BCOR: variants seen among roughly 807,000 people sequenced by gnomAD.
BCOR encodes BCL-6 corepressor.
A neutral mutation model predicts 86.7 loss-of-function variants in BCOR; 10 were observed. The observed-to-expected ratio is 0.12, with a 90% CI of 0.07 to 0.20. BCOR has a LOEUF of 0.20. BCOR is among the 10% of genes least tolerant of loss of function. The pLI is 1.00. For synonymous variants in BCOR, 611 were observed against 609.0 expected, an observed-to-expected ratio of 1.00 and a Z score of -0.05; for missense variants, 1,259 against 1,452.1, an observed-to-expected ratio of 0.87 and a Z score of 2.16.
intron 6 of BCOR, among the ~76,000 whole-genome samples, chrX:40,069,769 C>T (rs1935382335): frequency 1.8e-5 from 2 of 112,426 alleles, no homozygotes; most frequent in African/African-American, 3.2e-5. Flanking sequence ...TTTGCCACTT[C>T]ACCCAAGAGT....
intron 1 of BCOR, among the ~76,000 whole-genome samples, chrX:40,129,433 A>G (rs934334934): frequency 1.8e-5 from 2 of 109,670 alleles, no homozygotes; most frequent in East Asian, 5.7e-4. Context: ...GCAGTGAGCC[A>G]AGATCATGTC....
chrX:40,058,493 C>A (rs1348070838), intron 10 of BCOR, among the ~76,000 whole-genome samples: 1 of 111,728 alleles, frequency 9.0e-6, no homozygotes, highest in East Asian at 2.8e-4. Flanking sequence ...AATAACTCAT[C>A]TATAACCTAA....
At chrX:40,091,891 T>C (rs1269533544) in intron 1 of BCOR, among the ~76,000 whole-genome samples, 1 of 107,947 alleles carries the variant, frequency 9.3e-6, no homozygotes, top group Non-Finnish European at 1.9e-5. Flanking sequence ...CACCCAGCTT[T>C]GGGCGAGGCC....
chrX:40,171,141 C>T (rs1185526609), intron 1 of BCOR, among the ~76,000 whole-genome samples: 1 of 112,188 alleles, frequency 8.9e-6, no homozygotes, highest in Admixed American at 9.4e-5. Flanking sequence ...CACCCTCCTT[C>T]CTCCAGGTCA....
chrX:40,054,295 C>T lies in BCOR; in HGVS notation c.4780G>A (p.Ala1594Thr), dbSNP rs768510508. 9 of 1,206,781 alleles carry T rather than the reference C, an allele frequency of 7.5e-6. No individual in the cohort carries two copies. The East Asian group carries it at 1.2e-4, about 16-fold the overall frequency. Residue 1594 changes from alanine (A) to threonine (T), a missense_variant, in exon 13 of 15, where the codon GCC becomes ACC. Around this residue, in one of 7 missense-constraint regions of BCOR, gnomAD observed 137 missense variants for 149.8 expected, o/e 0.91. Coordinates refer to ENST00000378444, the MANE Select transcript of BCOR (RefSeq NM_001123385.2). Reference sequence around the variant, plus strand: ...CCATAGAAGTCCCAAGTGCCACTGGCGTCATCATCATTGCGACCCTGGAGG... The same window carrying T: ...CCATAGAAGTCCCAAGTGCCACTGGTGTCATCATCATTGCGACCCTGGAGG... ...NDLQGRNDDD[A>T]SGTWDFYGSS...
At chrX:40,078,636 G>C (rs1452497341) in intron 1 of BCOR, among the ~76,000 whole-genome samples, 1 of 112,471 alleles carries the variant, frequency 8.9e-6, no homozygotes, top group Non-Finnish European at 1.9e-5. Flanking sequence ...GCTGCAGAGA[G>C]AGGCGGCTGA....
rs546960508 is a variant in BCOR at position 40,110,667 on chromosome X, C to CTTTTTTTTTTTTTTTT, written c.-40-32714_-40-32699dup. 7.8e-4 allele frequency among the ~76,000 whole-genome samples: 23 copies of CTTTTTTTTTTTTTTTT among 29,546 alleles called. 8 individuals carry two copies. The highest frequency in any genetic ancestry group is 1.0e-3 in the Non-Finnish European group (15 of 14,556). 25.7% of individuals were successfully genotyped at this position (29,546 alleles called of 115,157 possible). On this transcript the variant is annotated intron_variant, in intron 1 of 14. Transcript: ENST00000342274. Reference sequence around the variant, plus strand: ...TTCTTTTTTTTCTTTTTTCCTTTTTCTTTTTTTTTTTTTTTTTTTTTTTTT... The same window carrying CTTTTTTTTTTTTTTTT: ...TTCTTTTTTTTCTTTTTTCCTTTTTCTTTTTTTTTTTTTTTTTTTTTTTTTTTTTTTTTTTTTTTTT...
chrX:40,064,552 C>T lies in BCOR; in HGVS notation c.3286G>A (p.Glu1096Lys). The T allele has an allele frequency of 8.3e-7, 1 of 1,211,835 alleles. No homozygotes were observed. The highest frequency in any genetic ancestry group is 1.8e-5 in the South Asian group (1 of 56,996). Residue 1096 changes from glutamate to lysine, a missense_variant, in exon 7 of 15, where the codon GAG (glutamate) becomes AAG (lysine). Transcript: ENST00000378444. ...NKHRDPFEAP[E>K]DKDLPVEKYF... ...TTCTCCACAGGAAGATCTTTGTCCT[C>T]TGGGGCTTCAAAGGGATCACGGTGC...
At position 40,097,626 on chromosome X, in the gene BCOR, G is replaced by C. The variant is rs1414074818; in HGVS notation, c.-452C>G. On this transcript the variant is annotated 5_prime_UTR_variant, in exon 1 of 15. Transcript: ENST00000378444. The stretch of plus-strand genomic sequence containing the variant: ...TCCCGCAGCTGGACTGGGCTTGGCC[G>C]AGCTCAGCAGCTCCCGCGCTGCCGC... Among the ~76,000 whole-genome samples the C allele has an allele frequency of 1.8e-5, 2 of 111,725 alleles. No individual in the cohort carries two copies. The highest frequency in any genetic ancestry group is 3.8e-5 in the Non-Finnish European group (2 of 52,715).
chrX:40,144,109 A>G (rs957342007), intron 1 of BCOR, among the ~76,000 whole-genome samples: 1 of 21 alleles, frequency 0.048, no homozygotes, highest in African/African-American at 0.12. Flanking sequence ...AGGAACCTGC[A>G]GGAGACTGCA....
Position 40,072,861 on chromosome X carries a change from C to T in BCOR, c.2485G>A (p.Glu829Lys). ...TNVSKPSFAAESVGQSAEPPK... is the reference protein window; with the variant it reads ...TNVSKPSFAAKSVGQSAEPPK... The stretch of plus-strand genomic sequence containing the variant: ...GGCTCAGCGCTCTGGCCAACACTCT[C>T]TGCTGCAAAGCTGGGTTTGGACACG... Residue 829 changes from glutamate (E) to lysine (K), a missense_variant, in exon 4 of 15, where the codon GAG becomes AAG. Around this residue, in one of 7 missense-constraint regions of BCOR, gnomAD observed 534 missense variants for 594.8 expected, o/e 0.90. Transcript: ENST00000378444. The T allele has an allele frequency of 8.3e-7, 1 of 1,211,921 alleles. No individual in the cohort carries two copies. The highest frequency in any genetic ancestry group is 1.1e-6 in the Non-Finnish European group (1 of 895,562).
intron 1 of BCOR, among the ~76,000 whole-genome samples, chrX:40,122,055 C>T (rs996713450): frequency 8.9e-6 from 1 of 111,866 alleles, no homozygotes; most frequent in Admixed American, 9.5e-5. Context: ...GAACTCTTCC[C>T]AGCCACTTCC....
At chrX:40,142,460 G>A (rs1937941195) in intron 1 of BCOR, among the ~76,000 whole-genome samples, 1 of 112,006 alleles carries the variant, frequency 8.9e-6, no homozygotes, top group African/African-American at 3.2e-5. Context: ...AGGGTCTTTA[G>A]CCTTCAGCTG....
At chrX:40,146,743 C>T (rs779587538) in intron 1 of BCOR, 1 of 112,334 alleles carries the variant, frequency 8.9e-6, no homozygotes, top group Non-Finnish European at 1.9e-5. Context: ...TCGGGGTTCG[C>T]AAGCTGGGCC....
At chrX:40,109,944 C>T (rs971219541) in intron 1 of BCOR, among the ~76,000 whole-genome samples, 1 of 112,349 alleles carries the variant, frequency 8.9e-6, no homozygotes, top group African/African-American at 3.2e-5. Flanking sequence ...CGCGGCCCCC[C>T]GGGCCTCATG....
Position 40,073,218 on chromosome X carries a change from G to A in BCOR, c.2128C>T (p.Arg710Cys), listed in dbSNP as rs1935576585. 1.6e-6 allele frequency: 2 copies of A among 1,212,192 alleles called. No individual in the cohort carries two copies. Among genetic ancestry groups the A allele is most frequent in the Non-Finnish European group, 2.2e-6 (2 of 895,612 alleles). ...PGLPYGLPTG[R>C]PEFVTYQDAL... ...TCTTGGTAGGTCACAAACTCTGGAC[G>A]GCCGGTGGGAAGCCCATAGGGCAGC... Residue 710 changes from arginine to cysteine, a missense_variant, in exon 4 of 15, where the codon CGT becomes TGT. Arg to Cys is a radical substitution (Grantham distance 180). This residue lies in a region of BCOR where 534 missense variants were observed against 594.8 expected (regional missense o/e 0.90). Coordinates refer to ENST00000378444, the MANE Select transcript of BCOR (RefSeq NM_001123385.2).
chrX:40,063,757 C>A lies in BCOR; in HGVS notation c.3698G>T (p.Ser1233Ile). The change falls in exon 8 of 15, where the codon AGC (serine) becomes ATC (isoleucine). Residue 1233 changes from serine (S) to isoleucine (I), a missense_variant. Transcript: ENST00000378444. Reference protein sequence around the residue: ...SAADGKPGRQSRKEVTQATQP... With the variant: ...SAADGKPGRQIRKEVTQATQP... ...AGTGGCCTGGGTCACTTCCTTCCTG[C>A]TTTGCCGGCCAGGTTTGCCATCTGC... 1 of 1,211,991 alleles carries A rather than the reference C, an allele frequency of 8.3e-7. No individual in the cohort carries two copies. Among genetic ancestry groups the A allele is most frequent in the Non-Finnish European group, 1.1e-6 (1 of 895,580 alleles).
At chrX:40,090,265 G>A (rs1329929791) in intron 1 of BCOR, among the ~76,000 whole-genome samples, 1 of 113,478 alleles carries the variant, frequency 8.8e-6, no homozygotes, top group Non-Finnish European at 1.9e-5. Flanking sequence ...GGCGGCGGGA[G>A]GGACGGAGGG....
At chrX:40,168,399 G>A (rs1185594456) in intron 1 of BCOR, among the ~76,000 whole-genome samples, 1 of 112,659 alleles carries the variant, frequency 8.9e-6, no homozygotes, top group Non-Finnish European at 1.9e-5. Flanking sequence ...GGCCGAGCTG[G>A]GGCCCACTGG....
Sources: gnomAD v4.1 joint callset for allele counts (sites outside exome capture counted in the v4.1 genomes callset) on GRCh38, gnomAD v4.1.1 for gene constraint, gnomAD v4.1.1 regional missense constraint, MANE v1.5 for transcripts, NCBI Gene and HGNC (gene_info 2026-07-23, HGNC 2026-07-21) for gene names.